DPP10: variants seen among roughly 807,000 people sequenced by gnomAD.
The protein encoded by DPP10 is dipeptidyl peptidase like 10.
A neutral mutation model predicts 120.9 loss-of-function variants in DPP10; 33 were observed. The ratio of observed to expected loss-of-function variants is 0.27; its 90% confidence interval spans 0.21 to 0.37. The LOEUF (loss-of-function observed/expected upper bound fraction) is 0.37, where lower values mean the gene tolerates loss of function less well. Ranked by LOEUF, DPP10 falls within the 10% of genes least tolerant of loss-of-function variation. DPP10 has a pLI of 1.00. For synonymous variants in DPP10, 337 were observed against 326.1 expected (o/e 1.03, Z -0.36); for missense variants, 816 against 942.8 (o/e 0.87, Z 1.76).
intron 3 of DPP10, among the ~76,000 whole-genome samples, chr2:115,372,896 A>G (rs765200941): frequency 9.2e-5 from 14 of 152,198 alleles, no homozygotes; most frequent in Admixed American, 3.3e-4. Flanking sequence ...TTGTCACTGA[A>G]AATAGAAACA....
chr2:115,624,011 C>A (rs1200157037), intron 5 of DPP10, among the ~76,000 whole-genome samples: 2 of 151,924 alleles, frequency 1.3e-5, no homozygotes, highest in Admixed American at 6.6e-5. Flanking sequence ...TGAAATTTTT[C>A]TTGTGTAGAT....
At chr2:115,786,807 T>A (rs1683395057) in intron 17 of DPP10, among the ~76,000 whole-genome samples, 1 of 152,152 alleles carries the variant, frequency 6.6e-6, no homozygotes. Context: ...TTGAGGCTTA[T>A]GGAAAGATGA....
intron 17 of DPP10, among the ~76,000 whole-genome samples, chr2:115,786,826 A>T (rs910451436): frequency 6.6e-6 from 1 of 152,226 alleles, no homozygotes; most frequent in African/African-American, 2.4e-5. Flanking sequence ...GAAACTGGAA[A>T]TGAAGAAGCC....
chr2:114,873,007 C>T (rs1574388432), intron 1 of DPP10, among the ~76,000 whole-genome samples: 1 of 152,142 alleles, frequency 6.6e-6, no homozygotes, highest in African/African-American at 2.4e-5. Flanking sequence ...ACCAAGCACC[C>T]TGTATTAAAT....
At position 114,552,984 on chromosome 2, in the gene DPP10, T is replaced by C. The variant is rs77258423; in HGVS notation, c.60+110146T>C. On this transcript the variant is annotated intron_variant, in intron 1 of 25. Coordinates refer to ENST00000410059, the MANE Select transcript of DPP10 (RefSeq NM_020868.6). ...CCTTTAATTTCCTCATTCAAAGCAT[T>C]ATTCAGTTGTCCTCTCCTCTTGCTG... 1.8e-3 allele frequency among the ~76,000 whole-genome samples: 275 copies of C among 152,340 alleles called. 1 individual carries two copies. The highest frequency in any genetic ancestry group is 6.4e-3 in the African/African-American group (265 of 41,578).
At chr2:115,614,307 T>G (rs1463851639) in intron 5 of DPP10, among the ~76,000 whole-genome samples, 2 of 152,340 alleles carry the variant, frequency 1.3e-5, no homozygotes, top group Admixed American at 1.3e-4. Flanking sequence ...GATCTACCAC[T>G]AAGCACCAGT....
intron 1 of DPP10, among the ~76,000 whole-genome samples, chr2:114,556,563 T>C (rs944083378): frequency 2.6e-5 from 4 of 151,946 alleles, no homozygotes; most frequent in Non-Finnish European, 1.5e-5. Context: ...CAAATGAGGA[T>C]GTGAAGTAAA....
At chr2:115,164,970 G>T (rs1385017967) in intron 1 of DPP10, among the ~76,000 whole-genome samples, 2 of 152,164 alleles carry the variant, frequency 1.3e-5, no homozygotes, top group Non-Finnish European at 2.9e-5. Flanking sequence ...AAATATTTAT[G>T]ACAGTTATTT....
chr2:115,637,590 A>G (rs2086447748), intron 5 of DPP10, among the ~76,000 whole-genome samples: 1 of 152,226 alleles, frequency 6.6e-6, no homozygotes, highest in Admixed American at 6.5e-5. Context: ...AGCATTTCCA[A>G]GACCACAAAG....
intron 1 of DPP10, among the ~76,000 whole-genome samples, chr2:114,617,816 T>C (rs1219130723): frequency 6.6e-6 from 1 of 152,158 alleles, no homozygotes; most frequent in Non-Finnish European, 1.5e-5. Flanking sequence ...TTTATTGCCC[T>C]CCTTTGTTCT....
At chr2:115,600,893 G>A (rs1401954945) in intron 5 of DPP10, among the ~76,000 whole-genome samples, 1 of 152,144 alleles carries the variant, frequency 6.6e-6, no homozygotes, top group Non-Finnish European at 1.5e-5. Context: ...GTTTAACGGG[G>A]ACACAAATTC....
chr2:115,156,548 T>G (rs1379685988), intron 1 of DPP10, among the ~76,000 whole-genome samples: 3 of 152,224 alleles, frequency 2.0e-5, no homozygotes, highest in Non-Finnish European at 4.4e-5. Flanking sequence ...TCTTTCGATT[T>G]GTAAAAGATT....
intron 1 of DPP10, among the ~76,000 whole-genome samples, chr2:115,141,934 T>C (rs6542247): frequency 1 from 152,198 of 152,210 alleles, 76,093 homozygotes; most frequent in Middle Eastern, 1. Flanking sequence ...CCACTATGCC[T>C]GCCTAATTTT....
At chr2:115,734,738 G>A (rs959880309) in intron 8 of DPP10, among the ~76,000 whole-genome samples, 3 of 147,992 alleles carry the variant, frequency 2.0e-5, no homozygotes, top group African/African-American at 5.0e-5. Flanking sequence ...ACACACACAC[G>A]TATATGTATA....
At chr2:114,703,204 A>G (rs902620315) in intron 1 of DPP10, among the ~76,000 whole-genome samples, 2 of 152,170 alleles carry the variant, frequency 1.3e-5, no homozygotes, top group Non-Finnish European at 2.9e-5. Context: ...TACATTAACG[A>G]AGCATTCTTT....
At chr2:114,550,261 G>T (rs1366586246) in intron 1 of DPP10, among the ~76,000 whole-genome samples, 1 of 152,286 alleles carries the variant, frequency 6.6e-6, no homozygotes, top group East Asian at 1.9e-4. Context: ...ATAGGACAAA[G>T]GGCCCTCTCC....
chr2:114,684,803 T>A (rs1005522133), intron 1 of DPP10, among the ~76,000 whole-genome samples: 1 of 152,006 alleles, frequency 6.6e-6, no homozygotes, highest in Non-Finnish European at 1.5e-5. Flanking sequence ...TGTGAGATAC[T>A]GTACAGCACC....
chr2:114,987,608 C>T (rs1001709407), intron 1 of DPP10, among the ~76,000 whole-genome samples: 4 of 152,068 alleles, frequency 2.6e-5, no homozygotes, highest in African/African-American at 9.7e-5. Flanking sequence ...GAAGGACTGG[C>T]ACTTCTCTGA....
At chr2:115,383,323 G>A (rs2066568587) in intron 3 of DPP10, among the ~76,000 whole-genome samples, 1 of 152,278 alleles carries the variant, frequency 6.6e-6, no homozygotes, top group South Asian at 2.1e-4. Context: ...GAGTTTCCCT[G>A]CACAAGCTCT....
Sources: allele counts gnomAD v4.1 joint callset (sites outside exome capture counted in the v4.1 genomes callset), GRCh38; gene constraint gnomAD v4.1.1; transcripts MANE v1.5; gene names NCBI Gene and HGNC (gene_info 2026-07-23, HGNC 2026-07-21).